The following ALDH1L1 variants were observed in gnomAD, a reference collection of about 807,000 sequenced individuals.
ALDH1L1 encodes aldehyde dehydrogenase 1 family member L1.
A neutral mutation model predicts 101.1 loss-of-function variants in ALDH1L1; 68 were observed. The observed-to-expected ratio is 0.67, with a 90% CI of 0.55 to 0.82. ALDH1L1 has a LOEUF of 0.82. Among genes scored for constraint, ALDH1L1 ranks in the 40% least tolerant of loss-of-function variants. ALDH1L1 has a pLI of 0.00. For missense variants in ALDH1L1, 1,087 were observed against 1,172.7 expected, an observed-to-expected ratio of 0.93 and a Z score of 1.07; for synonymous variants, 486 against 470.8, an observed-to-expected ratio of 1.03 and a Z score of -0.42.
chr3:126,141,888 A>T (rs6795418), intron 9 of ALDH1L1, among the ~76,000 whole-genome samples: 34,031 of 151,988 alleles, frequency 0.22, 4,651 homozygotes, highest in African/African-American at 0.39. Context: ...CAGAAAAAAA[A>T]ACAGCAAATC....
intron 16 of ALDH1L1, among the ~76,000 whole-genome samples, chr3:126,120,324 A>G (rs74582994): frequency 0.045 from 6,752 of 151,292 alleles, 461 homozygotes; most frequent in African/African-American, 0.15. Context: ...AGTCACAAGA[A>G]GCCATGGAAG....
chr3:126,197,456 C>T (rs1371039704), intron 1 of ALDH1L1, among the ~76,000 whole-genome samples: 1 of 152,120 alleles, frequency 6.6e-6, no homozygotes, highest in Non-Finnish European at 1.5e-5. Flanking sequence ...TTTTACACCC[C>T]CTGCAATATT....
chr3:126,112,715 AC>A (rs35763129), intron 19 of ALDH1L1, 66 bp downstream of exon 19: 2 of 1,477,944 alleles, frequency 1.4e-6, no homozygotes, highest in East Asian at 2.3e-5. Flanking sequence ...CCCTCCTCCA[AC>A]CCCCTCCAGC....
At chr3:126,167,763 T>C (rs1303423382) in intron 1 of ALDH1L1, among the ~76,000 whole-genome samples, 2 of 152,136 alleles carry the variant, frequency 1.3e-5, no homozygotes, top group Non-Finnish European at 2.9e-5. Flanking sequence ...ATTGCCCAAC[T>C]AAACTTTGCT....
chr3:126,196,649 C>T (rs927594124), intron 1 of ALDH1L1, among the ~76,000 whole-genome samples: 8 of 152,246 alleles, frequency 5.3e-5, no homozygotes, highest in Non-Finnish European at 1.0e-4. Context: ...CACAAGTGTA[C>T]TAGGTATTTT....
chr3:126,171,434 C>T (rs1009988831), intron 1 of ALDH1L1, among the ~76,000 whole-genome samples: 2 of 151,910 alleles, frequency 1.3e-5, no homozygotes, highest in Non-Finnish European at 1.5e-5. Flanking sequence ...ATAAACTCTC[C>T]CATCCTGAAT....
Position 126,125,716 on chromosome 3 carries a change from C to G in ALDH1L1, c.1700G>C (p.Cys567Ser). The G allele has an allele frequency of 1.3e-6, 2 of 1,558,006 alleles. No homozygotes were observed. Among genetic ancestry groups the G allele is most frequent in the Non-Finnish European group, 8.7e-7 (1 of 1,149,010 alleles). The change falls in exon 15 of 23, where the codon TGT becomes TCT. Residue 567 changes from cysteine (C) to serine (S), a missense_variant. This residue lies in a region of ALDH1L1 where 442 missense variants were observed against 535.7 expected (regional missense o/e 0.83). Transcript: ENST00000393434. ...TLTRKEPVGV[C>S]GIIIPWNYPL... ...ATAGTTCCAGGGGATGATGATGCCACAAACCCTGCCACACAAAAGAGGTTG... is the reference window on the plus strand; with the variant it reads ...ATAGTTCCAGGGGATGATGATGCCAGAAACCCTGCCACACAAAAGAGGTTG...
At position 126,125,714 on chromosome 3, in the gene ALDH1L1, C is replaced by T. The variant is rs760181111; in HGVS notation, c.1702G>A (p.Gly568Ser). 1.9e-6 allele frequency: 3 copies of T among 1,560,552 alleles called. No homozygotes were observed. Among genetic ancestry groups the T allele is most frequent in the South Asian group, 2.4e-5 (2 of 83,416 alleles). Residue 568 changes from glycine to serine, a missense_variant, in exon 15 of 23, where the codon GGC becomes AGC. Gly to Ser is a moderately conservative substitution (Grantham distance 56). Coordinates refer to ENST00000393434, the MANE Select transcript of ALDH1L1 (RefSeq NM_012190.4). ...GGATAGTTCCAGGGGATGATGATGC[C>T]ACAAACCCTGCCACACAAAAGAGGT... is the stretch of plus-strand genomic sequence containing the variant. The part of the protein sequence containing the change: ...LTRKEPVGVC[G>S]IIIPWNYPLM...
chr3:126,174,199 C>T (rs865980392), intron 1 of ALDH1L1, among the ~76,000 whole-genome samples: 1 of 152,022 alleles, frequency 6.6e-6, no homozygotes, highest in Non-Finnish European at 1.5e-5. Flanking sequence ...CCACCACGTC[C>T]GGCTAATTTT....
chr3:126,146,512 G>T (rs543641429), intron 9 of ALDH1L1, among the ~76,000 whole-genome samples: 1 of 152,302 alleles, frequency 6.6e-6, no homozygotes, highest in East Asian at 1.9e-4. Flanking sequence ...CAGCACAAAT[G>T]GTTGGCACAA....
chr3:126,124,731 G>A (rs569529094), intron 15 of ALDH1L1, among the ~76,000 whole-genome samples: 2 of 152,336 alleles, frequency 1.3e-5, no homozygotes, highest in African/African-American at 4.8e-5. Flanking sequence ...GTTCCCTTCT[G>A]CACAGCATAA....
intron 8 of ALDH1L1, among the ~76,000 whole-genome samples, chr3:126,147,499 A>C (rs1295360148): frequency 2.0e-5 from 3 of 152,224 alleles, no homozygotes; most frequent in African/African-American, 7.2e-5. Context: ...GGAGGGCAGC[A>C]GTGCCCAGCC....
intron 8 of ALDH1L1, among the ~76,000 whole-genome samples, chr3:126,147,438 C>T (rs1576457542): frequency 1.3e-5 from 2 of 152,352 alleles, no homozygotes; most frequent in Middle Eastern, 3.4e-3. Flanking sequence ...CTTGACCTCA[C>T]CAAGATGCTA....
intron 19 of ALDH1L1, chr3:126,110,377 A>G (rs1016193432): frequency 2.0e-6 from 1 of 510,974 alleles, no homozygotes; most frequent in East Asian, 3.3e-5. Flanking sequence ...GTGGGTGAGG[A>G]GGACAGAGGC....
At chr3:126,110,430 A>G (rs537477190) in intron 19 of ALDH1L1, 1 of 350,434 alleles carries the variant, frequency 2.9e-6, no homozygotes. Context: ...TACAACACGT[A>G]TCTGACTCTG....
intron 8 of ALDH1L1, among the ~76,000 whole-genome samples, chr3:126,148,183 C>T (rs1350531525): frequency 6.6e-6 from 1 of 152,200 alleles, no homozygotes; most frequent in African/African-American, 2.4e-5. Context: ...GAGTGCACCA[C>T]AAAGCCAAAG....
At chr3:126,173,340 G>C (rs1576495666) in intron 1 of ALDH1L1, among the ~76,000 whole-genome samples, 1 of 152,014 alleles carries the variant, frequency 6.6e-6, no homozygotes, top group Non-Finnish European at 1.5e-5. Context: ...CTGCAATAAG[G>C]CCCTTACACT....
Position 126,123,389 on chromosome 3 carries a change from C to G in ALDH1L1, c.1888+975G>C, listed in dbSNP as rs553750937. Among the ~76,000 whole-genome samples, 35 of 151,986 alleles carry G rather than the reference C, an allele frequency of 2.3e-4. No individual in the cohort carries two copies. In the East Asian group the frequency reaches 6.8e-3, roughly 29 times the overall value. On this transcript the variant is annotated intron_variant, in intron 16 of 22. Transcript: ENST00000393434. ...TCTTCTGCCTCAGCCTCCAGAGTAG[C>G]TGGGGTTACAAGCGCCTGCCACCAT...
intron 16 of ALDH1L1, among the ~76,000 whole-genome samples, chr3:126,118,538 A>T (rs181565247): frequency 6.6e-6 from 1 of 152,154 alleles, no homozygotes; most frequent in East Asian, 1.9e-4. Context: ...CTGATCTTGG[A>T]CTTCCAGCCT....
Sources: allele counts gnomAD v4.1 joint callset (sites outside exome capture counted in the v4.1 genomes callset), GRCh38; gene constraint gnomAD v4.1.1; regional missense constraint gnomAD v4.1.1; transcripts MANE v1.5; gene names NCBI Gene and HGNC (gene_info 2026-07-23, HGNC 2026-07-21).